DHRS9: variants seen among roughly 807,000 people sequenced by gnomAD.
DHRS9 encodes the protein dehydrogenase/reductase 9.
DHRS9 carries 18 observed loss-of-function variants against 26.6 expected under a neutral mutation model. The ratio of observed to expected loss-of-function variants is 0.68; its 90% confidence interval spans 0.47 to 1.00. The LOEUF is 1.00. Among genes scored for constraint, DHRS9 ranks in the 50% least tolerant of loss-of-function variants. The pLI is 0.00. For missense variants in DHRS9, 425 were observed against 378.7 expected (o/e 1.12, Z -1.01); for synonymous variants, 134 against 141.1 (o/e 0.95, Z 0.36).
intron 2 of DHRS9, among the ~76,000 whole-genome samples, chr2:169,082,740 GA>G (rs1684228683): frequency 6.6e-6 from 1 of 152,074 alleles, no homozygotes; most frequent in African/African-American, 2.4e-5. Context: ...TGTCCATACA[GA>G]ACATTATATA....
In DHRS9 at chr2:169,079,983, G is replaced by A. The variant is rs10930345; in HGVS notation, c.-59-1540G>A. On this transcript the variant is annotated intron_variant, in intron 1 of 4. Transcript: ENST00000674881. Reference sequence around the variant, plus strand: ...AGAGAGAGAGAGAGAGAGAGAGAGAGAGAAAGAAAGAAAGAAAGAAAGAAA... The same window carrying A: ...AGAGAGAGAGAGAGAGAGAGAGAGAAAGAAAGAAAGAAAGAAAGAAAGAAA... Among the ~76,000 whole-genome samples, 322 of 46,690 alleles carry A rather than the reference G, an allele frequency of 6.9e-3. 4 individuals carry two copies. Among genetic ancestry groups the A allele is most frequent in the South Asian group, 0.013 (12 of 928 alleles). The allele number at this position is 46,690 out of a possible 152,430, so 30.6% of individuals were successfully genotyped here.
chr2:169,077,557 G>T (rs913255753), intron 1 of DHRS9, among the ~76,000 whole-genome samples: 2 of 151,412 alleles, frequency 1.3e-5, no homozygotes, highest in Admixed American at 6.6e-5. Flanking sequence ...ACTGCGGTTT[G>T]TTGTTTCTTC....
intron 1 of DHRS9, among the ~76,000 whole-genome samples, chr2:169,079,934 AG>A (rs1684108200): frequency 1.5e-4 from 3 of 19,620 alleles, no homozygotes; most frequent in Non-Finnish European, 3.5e-4. Context: ...AGAGAGAGAG[AG>A]AGAGAGAGAG....
chr2:169,084,186 C>A (rs1684281495), intron 3 of DHRS9, among the ~76,000 whole-genome samples: 1 of 152,116 alleles, frequency 6.6e-6, no homozygotes, highest in Non-Finnish European at 1.5e-5. Flanking sequence ...TTTTTTATGG[C>A]TCAATAGTAC....
At chr2:169,092,431 C>T (rs898332204) in intron 4 of DHRS9, among the ~76,000 whole-genome samples, 1 of 152,186 alleles carries the variant, frequency 6.6e-6, no homozygotes, top group Admixed American at 6.5e-5. Context: ...TAGTTTACAA[C>T]CTAGTTGACA....
chr2:169,081,601 G>A lies in DHRS9; in HGVS notation c.20G>A (p.Gly7Asp), dbSNP rs144735893. 5.6e-6 allele frequency: 9 copies of A among 1,613,914 alleles called. No homozygotes were observed. Among genetic ancestry groups the A allele is most frequent in the Middle Eastern group, 3.3e-4 (2 of 6,084 alleles). ...GGAAAAATGCTCTTTTGGGTGCTAGGCCTCCTAATCCTCTGTGGTTTTCTG... is the reference window on the plus strand; with the variant it reads ...GGAAAAATGCTCTTTTGGGTGCTAGACCTCCTAATCCTCTGTGGTTTTCTG... MLFWVL[G>D]LLILCGFLWT... The change falls in exon 2 of 5, where the codon GGC (glycine) becomes GAC (aspartate). Residue 7 changes from glycine (G) to aspartate (D), a missense_variant. Coordinates refer to ENST00000674881, the MANE Select transcript of DHRS9 (RefSeq NM_001376924.1).
chr2:169,081,574 G>T lies in DHRS9; in HGVS notation c.-8G>T, dbSNP rs755611291. On this transcript the variant is annotated 5_prime_UTR_variant, in exon 2 of 5. Coordinates refer to ENST00000674881, the MANE Select transcript of DHRS9 (RefSeq NM_001376924.1). ...AAAGGAGTGTACCTATCACACACAGGGGGAAAAATGCTCTTTTGGGTGCTA... is the reference window on the plus strand; with the variant it reads ...AAAGGAGTGTACCTATCACACACAGTGGGAAAAATGCTCTTTTGGGTGCTA... 3 of 1,612,530 alleles carry T rather than the reference G, an allele frequency of 1.9e-6. No homozygotes were observed. The African/African-American group carries it at 4.0e-5, about 22-fold the overall frequency.
At chr2:169,068,339 T>C (rs1683706172), upstream of DHRS9, among the ~76,000 whole-genome samples, 1 of 152,224 alleles carries the variant, frequency 6.6e-6, no homozygotes, top group African/African-American at 2.4e-5. Context: ...TTGTTTTTGT[T>C]TGTTTTGAGA....
intron 3 of DHRS9, among the ~76,000 whole-genome samples, chr2:169,084,649 T>C (rs981959739): frequency 6.6e-6 from 1 of 152,192 alleles, no homozygotes; most frequent in Non-Finnish European, 1.5e-5. Flanking sequence ...CAGAAATATC[T>C]ACTCAGATCT....
At chr2:169,074,323 G>A (rs1459791722) in intron 1 of DHRS9, 2 of 985,328 alleles carry the variant, frequency 2.0e-6, no homozygotes, top group African/African-American at 1.7e-5. Flanking sequence ...AACTGGGATG[G>A]AACCTCTGCC....
chr2:169,078,840 T>TTTTTTTTTTTTTTTTTTTTGTG (rs1553478929), intron 1 of DHRS9, among the ~76,000 whole-genome samples: 1 of 137,268 alleles, frequency 7.3e-6, no homozygotes, highest in African/African-American at 3.0e-5. Context: ...TTTTTTTTTT[T>TTTTTTTTTTTTTTTTTTTTGTG]TGTGACAGAG....
At chr2:169,070,752 C>T (rs2105276570) in intron 1 of DHRS9, 1 of 985,392 alleles carries the variant, frequency 1.0e-6, no homozygotes, top group African/African-American at 1.7e-5. Flanking sequence ...ATGTCACTGT[C>T]TTAAGGGACA....
At position 169,070,079 on chromosome 2, in the gene DHRS9, G is replaced by A. The variant is rs1274782227; in HGVS notation, c.-60+362G>A. 5 of 985,114 alleles carry A rather than the reference G, an allele frequency of 5.1e-6. No homozygotes were observed. In the African/African-American group the frequency reaches 8.7e-5, roughly 17 times the overall value. The allele number at this position is 985,114 out of a possible 1,614,324, so 61.0% of individuals were successfully genotyped here. On this transcript the variant is annotated intron_variant, in intron 1 of 4. Transcript: ENST00000674881. Reference sequence around the variant, plus strand: ...AGGGGGAAGTCTCCAAAAAGCACAGGATTCTTAGATGAGTTTCTTACTGAA... The same window carrying A: ...AGGGGGAAGTCTCCAAAAAGCACAGAATTCTTAGATGAGTTTCTTACTGAA...
Position 169,081,573 on chromosome 2 carries a change from G to A in DHRS9, c.-9G>A, listed in dbSNP as rs753203203. 25 of 1,612,258 alleles carry A rather than the reference G, an allele frequency of 1.6e-5. No individual in the cohort carries two copies. In the East Asian group the frequency reaches 5.3e-4, roughly 34 times the overall value. On this transcript the variant is annotated 5_prime_UTR_variant, in exon 2 of 5. Transcript: ENST00000674881. ...GAAAGGAGTGTACCTATCACACACA[G>A]GGGGAAAAATGCTCTTTTGGGTGCT...
At chr2:169,067,173 A>G (rs902995466), upstream of DHRS9, 12 of 1,535,536 alleles carry the variant, frequency 7.8e-6, no homozygotes, top group African/African-American at 4.1e-5. Flanking sequence ...GCCACTGTGC[A>G]TGCTCTATCA....
At chr2:169,080,244 T>A (rs1684141909) in intron 1 of DHRS9, among the ~76,000 whole-genome samples, 1 of 152,120 alleles carries the variant, frequency 6.6e-6, no homozygotes, top group Non-Finnish European at 1.5e-5. Flanking sequence ...GCAAAGATAT[T>A]GCGTGGACAC....
chr2:169,086,536 A>G (rs1312813584), intron 3 of DHRS9, among the ~76,000 whole-genome samples: 3 of 146,918 alleles, frequency 2.0e-5, no homozygotes, highest in African/African-American at 7.5e-5. Flanking sequence ...GGTGGTCTTG[A>G]TGCTTGTGGA....
upstream of DHRS9, among the ~76,000 whole-genome samples, chr2:169,067,446 A>G (rs1243052546): frequency 6.6e-6 from 1 of 152,206 alleles, no homozygotes; most frequent in African/African-American, 2.4e-5. Flanking sequence ...GGGTAGAAGT[A>G]TGGGAGGCAT....
chr2:169,088,777 A>C (rs1479822390), intron 3 of DHRS9, among the ~76,000 whole-genome samples: 2 of 152,242 alleles, frequency 1.3e-5, no homozygotes, highest in African/African-American at 4.8e-5. Flanking sequence ...ATTTATATTC[A>C]ACTGGTCAGT....
Sources: gnomAD v4.1 joint callset for allele counts (sites outside exome capture counted in the v4.1 genomes callset) on GRCh38, gnomAD v4.1.1 for gene constraint, MANE v1.5 for transcripts, NCBI Gene and HGNC (gene_info 2026-07-23, HGNC 2026-07-21) for gene names.